CELA3A: variants seen among roughly 807,000 people sequenced by gnomAD.
CELA3A encodes chymotrypsin-like elastase family member 3A.
CELA3A carries 35 observed loss-of-function variants against 38.6 expected under a neutral mutation model. The ratio of observed to expected loss-of-function variants is 0.91; its 90% CI spans 0.69 to 1.20. The LOEUF is 1.20. Among genes scored for constraint, CELA3A ranks in the 50% most tolerant of loss-of-function variants. The pLI, the probability that CELA3A is intolerant of heterozygous loss-of-function variation, is 0.00. For missense variants in CELA3A, 343 were observed against 354.2 expected, an observed-to-expected ratio of 0.97 and a Z score of 0.25; for synonymous variants, 143 against 136.7, an observed-to-expected ratio of 1.05 and a Z score of -0.32.
Position 22,002,932 on chromosome 1 carries a change from A to C in CELA3A, c.44-71A>C. ...ACAGCCAGTTGAAGGCATGGCTTGG[A>C]CTGGGACCCTGGCCTCCTCTTTGCT... On this transcript the variant is annotated intron_variant, in intron 1 of 7. Transcript: ENST00000290122. The C allele has an allele frequency of 2.8e-6, 4 of 1,404,470 alleles. No homozygotes were observed. In the South Asian group the frequency reaches 4.7e-5, roughly 17 times the overall value. The allele number at this position is 1,404,470 out of a possible 1,614,324, so 87.0% of individuals were successfully genotyped here.
At chr1:22,009,660 A>G (rs1273003243) in intron 6 of CELA3A, 45 bp from the exon 7 acceptor site, 1 of 1,593,052 alleles carries the variant, frequency 6.3e-7, no homozygotes, top group East Asian at 2.3e-5. Flanking sequence ...AGTTCCGTAA[A>G]CCTCAGACAT....
At chr1:22,008,607 AAGTT>A (rs998766426) in intron 6 of CELA3A, among the ~76,000 whole-genome samples, 3 of 150,174 alleles carry the variant, frequency 2.0e-5, no homozygotes, top group Non-Finnish European at 4.4e-5. Flanking sequence ...AACACACAAA[AAGTT>A]AGCCGGGTGT....
intron 2 of CELA3A, among the ~76,000 whole-genome samples, chr1:22,004,560 T>G (rs1181277806): frequency 2.0e-5 from 3 of 151,736 alleles, no homozygotes; most frequent in Non-Finnish European, 2.9e-5. Context: ...ATGACTTGAC[T>G]GTGCCATGGT....
At chr1:22,004,828 G>C (rs56113846) in intron 2 of CELA3A, among the ~76,000 whole-genome samples, 1 of 151,122 alleles carries the variant, frequency 6.6e-6, no homozygotes, top group Admixed American at 6.6e-5. Context: ...GGCTGGGCGC[G>C]GTGGCTCACG....
Position 22,005,739 on chromosome 1 carries a change from T to A in CELA3A, c.305T>A (p.Ile102Asn), listed in dbSNP as rs1001786832. 6.2e-7 allele frequency: 1 copy of A among 1,612,116 alleles called. No homozygotes were observed. The highest frequency in any genetic ancestry group is 8.5e-7 in the Non-Finnish European group (1 of 1,179,438). ...VKEGPEQVIP[I>N]NSEELFVHPL... ...GAGGGCCCCGAGCAGGTGATCCCCA[T>A]CAACTCTGAGGAGCTGTTTGTGCAT... is the stretch of plus-strand genomic sequence containing the variant. The change falls in exon 4 of 8, where the codon ATC becomes AAC. Residue 102 changes from isoleucine to asparagine, a missense_variant. Coordinates refer to ENST00000290122, the MANE Select transcript of CELA3A (RefSeq NM_005747.5).
At position 22,012,464 on chromosome 1, in the gene CELA3A, C is replaced by G. The variant is rs542739354; in HGVS notation, c.810C>G (p.His270Gln). 2 of 1,288,052 alleles carry G rather than the reference C, an allele frequency of 1.6e-6. No homozygotes were observed. The highest frequency in any genetic ancestry group is 6.1e-5 in the East Asian group (2 of 32,818). 79.8% of individuals were successfully genotyped at this position (1,288,052 alleles called of 1,614,324 possible). The change falls in exon 8 of 8, where the codon CAC becomes CAG. Residue 270 changes from histidine to glutamine, a missense_variant. By Grantham distance (24) the His-to-Gln change is conservative. Transcript: ENST00000290122. ...IDWIEETIAS[H>Q] ...AACTTTTCCAGACCATAGCAAGCCA[C>G]TAGAACCAAGGCCCAGCTGGCAGTG...
intron 1 of CELA3A, 86 bp downstream of exon 1, chr1:22,001,803 CATG>C: frequency 6.4e-7 from 1 of 1,556,398 alleles, no homozygotes; most frequent in Non-Finnish European, 8.9e-7. Context: ...AGTCCCATGA[CATG>C]CTATGCCTGG....
rs377182598 is a variant in CELA3A at position 22,006,911 on chromosome 1, C to T, written c.396C>T (p.Ser132=). ...TCGCCCTCATCAAGCTCTCACGCAG[C>T]GCCCAGCTGGGAGATGCCGTCCAGC... ...NDIALIKLSR[S]AQLGDAVQLA... Residue 132 remains serine (S), a synonymous_variant, in exon 5 of 8, where the codon AGC becomes AGT. Coordinates refer to ENST00000290122, the MANE Select transcript of CELA3A (RefSeq NM_005747.5). The T allele has an allele frequency of 1.9e-5, 30 of 1,612,342 alleles. No homozygotes were observed. The highest frequency in any genetic ancestry group is 1.8e-4 in the East Asian group (8 of 44,690).
In CELA3A at chr1:22,009,706, G is replaced by A. The variant is rs1159175834; in HGVS notation, c.644G>A (p.Gly215Asp). 6.2e-7 allele frequency: 1 copy of A among 1,611,862 alleles called. No homozygotes were observed. The highest frequency in any genetic ancestry group is 8.5e-7 in the Non-Finnish European group (1 of 1,179,358). Residue 215 changes from glycine to aspartate, a missense_variant and splice_region_variant, in exon 7 of 8, where the codon GGT becomes GAT. Coordinates refer to ENST00000290122, the MANE Select transcript of CELA3A (RefSeq NM_005747.5). ...CCCACTCCTCTCTGACGGTTCCAGG[G>A]TGACTCTGGAGGACCCCTCAACTGC... ...AGGYIRSGCN[G>D]DSGGPLNCPT...
At chr1:22,004,075 GT>G (rs5772975) in intron 2 of CELA3A, among the ~76,000 whole-genome samples, 44 of 135,642 alleles carry the variant, frequency 3.2e-4, no homozygotes, top group Admixed American at 1.7e-3. Context: ...TCTTTTCTTT[GT>G]TTTTTTTTTT....
rs71016968 is a variant in CELA3A, at chr1:22,008,152, C to CTTTTTTTTTTTTTTTTT, written c.642+653_642+654insTTTTTTTTTTTTTTTTT. Among the ~76,000 whole-genome samples, 2 of 86,854 alleles carry CTTTTTTTTTTTTTTTTT rather than the reference C, an allele frequency of 2.3e-5. 1 individual carries two copies. Among genetic ancestry groups the CTTTTTTTTTTTTTTTTT allele is most frequent in the African/African-American group, 7.3e-5 (2 of 27,386 alleles). The allele number at this position is 86,854 out of a possible 152,430, so 57.0% of individuals were successfully genotyped here. ...CTGGCGACACAGCAAGACGTTGTCT[C>CTTTTTTTTTTTTTTTTT]TTTTTTTTTTTTTTTTGAGACAGGA... On this transcript the variant is annotated intron_variant, in intron 6 of 7. Coordinates refer to ENST00000290122, the MANE Select transcript of CELA3A (RefSeq NM_005747.5).
intron 6 of CELA3A, among the ~76,000 whole-genome samples, chr1:22,008,145 G>T (rs1169988811): frequency 6.8e-5 from 3 of 44,308 alleles, no homozygotes; most frequent in Non-Finnish European, 2.0e-4. Context: ...ACAGCAAGAC[G>T]TTGTCTCTTT....
Position 22,008,152 on chromosome 1 carries a change from C to CTTTTTTTTTTTTT in CELA3A, c.642+641_642+653dup, listed in dbSNP as rs71016968. 7.2e-3 allele frequency among the ~76,000 whole-genome samples: 626 copies of CTTTTTTTTTTTTT among 86,730 alleles called. 56 individuals are homozygous for CTTTTTTTTTTTTT. The highest frequency in any genetic ancestry group is 0.012 in the Non-Finnish European group (485 of 41,922). The allele number at this position is 86,730 out of a possible 152,430, so 56.9% of individuals were successfully genotyped here. Reference sequence around the variant, plus strand: ...CTGGCGACACAGCAAGACGTTGTCTCTTTTTTTTTTTTTTTTGAGACAGGA... The same window carrying CTTTTTTTTTTTTT: ...CTGGCGACACAGCAAGACGTTGTCTCTTTTTTTTTTTTTTTTTTTTTTTTTTTTTGAGACAGGA... On this transcript the variant is annotated intron_variant, in intron 6 of 7. Coordinates refer to ENST00000290122, the MANE Select transcript of CELA3A (RefSeq NM_005747.5).
At chr1:22,007,578 C>T in intron 6 of CELA3A, 63 bp downstream of exon 6, 1 of 1,551,538 alleles carries the variant, frequency 6.4e-7, no homozygotes, top group Non-Finnish European at 8.7e-7. Context: ...ATGGGGCCAA[C>T]TGCCTGGAAG....
chr1:22,006,542 A>G (rs1644950981), intron 4 of CELA3A, among the ~76,000 whole-genome samples: 1 of 150,334 alleles, frequency 6.7e-6, no homozygotes, highest in Non-Finnish European at 1.5e-5. Context: ...TAAATAAATG[A>G]ATAAATAAAA....
intron 7 of CELA3A, among the ~76,000 whole-genome samples, chr1:22,011,255 C>A (rs1220765504): frequency 6.7e-6 from 1 of 149,082 alleles, no homozygotes; most frequent in Non-Finnish European, 1.5e-5. Context: ...TTGGTGCATG[C>A]CTGTGGTCCC....
At chr1:22,008,627 T>C (rs1185443800) in intron 6 of CELA3A, among the ~76,000 whole-genome samples, 27 of 149,988 alleles carry the variant, frequency 1.8e-4, no homozygotes, top group African/African-American at 5.9e-4. Flanking sequence ...GGTGTGGTGG[T>C]GGGCGCCTGT....
At position 22,001,698 on chromosome 1, in the gene CELA3A, C is replaced by T. The variant is rs868839210; in HGVS notation, c.24C>T (p.Ser8=). 5 of 1,612,264 alleles carry T rather than the reference C, an allele frequency of 3.1e-6. No homozygotes were observed. Among genetic ancestry groups the T allele is most frequent in the Non-Finnish European group, 4.2e-6 (5 of 1,179,440 alleles). The stretch of plus-strand genomic sequence containing the variant: ...TCATGATGCTCCGGCTGCTCAGTTC[C>T]CTCCTCCTTGTGGCCGTTGGTAAGA... MMLRLLS[S]LLLVAVASGY... The change falls in exon 1 of 8, where the codon TCC becomes TCT. Residue 8 remains serine (S), a synonymous_variant. Coordinates refer to ENST00000290122, the MANE Select transcript of CELA3A (RefSeq NM_005747.5).
intron 6 of CELA3A, among the ~76,000 whole-genome samples, chr1:22,009,303 G>C (rs1644969578): frequency 6.6e-6 from 1 of 151,428 alleles, no homozygotes. Context: ...GGCAGAGCTT[G>C]CAGTGAGCTG....
Sources: gnomAD v4.1 joint callset for allele counts (sites outside exome capture counted in the v4.1 genomes callset) on GRCh38, gnomAD v4.1.1 for gene constraint, MANE v1.5 for transcripts, NCBI Gene and HGNC (gene_info 2026-07-23, HGNC 2026-07-21) for gene names.